The following PEX26 variants were observed in gnomAD, a reference collection of about 807,000 sequenced individuals.
PEX26 encodes the protein peroxisome assembly protein 26.
A neutral mutation model predicts 31.4 loss-of-function variants in PEX26; 18 were observed. The ratio of observed to expected loss-of-function variants is 0.57; its 90% confidence interval spans 0.40 to 0.85. The LOEUF is 0.85. Ranked by LOEUF, PEX26 falls within the 40% of genes least tolerant of loss-of-function variation. PEX26 has a pLI of 0.00. For missense variants in PEX26, 377 were observed against 383.9 expected (o/e 0.98, Z 0.15); for synonymous variants, 176 against 166.9 (o/e 1.05, Z -0.42).
At chr22:18,087,546 AT>A (rs1277746928) in intron 4 of PEX26, among the ~76,000 whole-genome samples, 1 of 152,216 alleles carries the variant, frequency 6.6e-6, no homozygotes, top group Non-Finnish European at 1.5e-5. Flanking sequence ...ACTGATACAG[AT>A]TTAGAAACTC....
chr22:18,078,546 C>G lies in PEX26; in HGVS notation c.170C>G (p.Thr57Ser). ...CTGGACTTCCGGGCGGCGCTGGAGA[C>G]CTGCGAGCGGGCCTGGCAGAGTCTG... ...VHLDFRAALETCERAWQSLAN... is the reference protein window; with the variant it reads ...VHLDFRAALESCERAWQSLAN... Residue 57 changes from threonine to serine, a missense_variant, in exon 1 of 5, where the codon ACC becomes AGC. Coordinates refer to ENST00000399744, the MANE Select transcript of PEX26 (RefSeq NM_001127649.3). The G allele has an allele frequency of 6.3e-7, 1 of 1,588,522 alleles. No homozygotes were observed. The highest frequency in any genetic ancestry group is 8.5e-7 in the Non-Finnish European group (1 of 1,170,298).
intron 4 of PEX26, among the ~76,000 whole-genome samples, chr22:18,086,890 ATTTATT>A (rs987017539): frequency 6.0e-5 from 9 of 151,234 alleles, no homozygotes; most frequent in South Asian, 4.2e-4. Context: ...ATATTTATTT[ATTTATT>A]TTTATTTTTA....
At chr22:18,078,737 C>A (rs1602455671) in intron 1 of PEX26, 131 bp downstream of exon 1, 4 of 860,430 alleles carry the variant, frequency 4.6e-6, no homozygotes, top group Non-Finnish European at 7.6e-6. Flanking sequence ...TGGTTTGTCT[C>A]CGAGAGGGTG....
chr22:18,085,000 C>T lies in PEX26; in HGVS notation c.668-112C>T, dbSNP rs891361017. 2.7e-5 allele frequency: 30 copies of T among 1,094,610 alleles called. No individual in the cohort carries two copies. The African/African-American group carries it at 4.5e-4, about 16-fold the overall frequency. The allele number at this position is 1,094,610 out of a possible 1,614,324, so 67.8% of individuals were successfully genotyped here. On this transcript the variant is annotated intron_variant, in intron 3 of 4. Transcript: ENST00000399744. ...CCTCCCAAAGTGCTGGGATTACAGG[C>T]ATGAGCCACTGCGCCTGGCCTGCTC... is the stretch of plus-strand genomic sequence containing the variant.
Position 18,093,428 on chromosome 22 carries a change from TG to T in PEX26, c.*5355del. ...AATACAAAAAATTAGCCGGGCGTGG[TG>T]GCGGGTGCCTGTAGCCCCAGCTACT... On this transcript the variant is annotated 3_prime_UTR_variant, in exon 5 of 5. Transcript: ENST00000399744. The T allele has an allele frequency of 6.6e-6, 1 of 152,172 alleles. No homozygotes were observed. Among genetic ancestry groups the T allele is most frequent in the South Asian group, 2.1e-4 (1 of 4,812 alleles). The allele number at this position is 152,172 out of a possible 1,614,324, so 9.4% of individuals were successfully genotyped here.
chr22:18,084,858 G>C (rs1205150311), intron 3 of PEX26, among the ~76,000 whole-genome samples: 1 of 151,732 alleles, frequency 6.6e-6, no homozygotes. Context: ...AAGTAGCTGG[G>C]ACTACAGGCG....
In PEX26 at chr22:18,078,356, G is replaced by A; in HGVS notation, c.-21G>A. ...GGTCACTCCGACGTCTGAGGACCTG[G>A]GCCTTGGACCCGGACTCGTTATGAA... On this transcript the variant is annotated 5_prime_UTR_variant, in exon 1 of 5. Transcript: ENST00000399744. The A allele has an allele frequency of 6.4e-7, 1 of 1,562,388 alleles. No individual in the cohort carries two copies. Among genetic ancestry groups the A allele is most frequent in the Non-Finnish European group, 8.8e-7 (1 of 1,142,038 alleles).
intron 2 of PEX26, among the ~76,000 whole-genome samples, chr22:18,080,968 GT>G (rs1926555985): frequency 6.7e-6 from 1 of 148,908 alleles, no homozygotes; most frequent in South Asian, 2.1e-4. Flanking sequence ...GGTAACCACC[GT>G]TCTACCGTCT....
rs1283304129 is a variant in PEX26, at chr22:18,100,305, T to A, written c.*12230T>A. The A allele has an allele frequency of 6.6e-6, 1 of 151,984 alleles. No homozygotes were observed. Among genetic ancestry groups the A allele is most frequent in the African/African-American group, 2.4e-5 (1 of 41,366 alleles). 9.4% of individuals were successfully genotyped at this position (151,984 alleles called of 1,614,324 possible). ...GGCCAGACTGGTCTCAAACTCCTGATCTTGGGTGATCTGCCCTCCTCAGCC... is the reference window on the plus strand; with the variant it reads ...GGCCAGACTGGTCTCAAACTCCTGAACTTGGGTGATCTGCCCTCCTCAGCC... On this transcript the variant is annotated 3_prime_UTR_variant, in exon 5 of 5. Coordinates refer to ENST00000399744, the MANE Select transcript of PEX26 (RefSeq NM_001127649.3).
intron 3 of PEX26, among the ~76,000 whole-genome samples, chr22:18,084,434 G>A (rs929536493): frequency 6.6e-6 from 1 of 151,898 alleles, no homozygotes; most frequent in Non-Finnish European, 1.5e-5. Flanking sequence ...TAGTAGAGAC[G>A]GGGTTTCACC....
Position 18,099,884 on chromosome 22 carries a change from A to C in PEX26, c.*11809A>C, listed in dbSNP as rs467998. ...AAGGATGCATGTCACTGAATTTAAG[A>C]GCCACCCTAATCCAGGATGATCTCA... On this transcript the variant is annotated 3_prime_UTR_variant, in exon 5 of 5. Transcript: ENST00000399744. The C allele has an allele frequency of 0.11, 16,191 of 152,192 alleles. 1,034 individuals are homozygous for C. The highest frequency in any genetic ancestry group is 0.18 in the African/African-American group (7,631 of 41,512). 9.4% of individuals were successfully genotyped at this position (152,192 alleles called of 1,614,324 possible).
intron 2 of PEX26, among the ~76,000 whole-genome samples, chr22:18,082,432 G>A (rs867519180): frequency 6.6e-6 from 1 of 152,100 alleles, no homozygotes; most frequent in African/African-American, 2.4e-5. Flanking sequence ...ATGGATATCC[G>A]ATTTTCCCAG....
chr22:18,097,563 ACAGCCATTAGTTTTAAAT>A lies in PEX26; in HGVS notation c.*9489_*9506del, dbSNP rs1052551111. On this transcript the variant is annotated 3_prime_UTR_variant, in exon 5 of 5. Coordinates refer to ENST00000399744, the MANE Select transcript of PEX26 (RefSeq NM_001127649.3). ...CAGGCATGAGCCACCGTGCCTGGCC[ACAGCCATTAGTTTTAAAT>A]TTACTCTTCCAGAGGTAAATTTAAT... is the stretch of plus-strand genomic sequence containing the variant. The A allele has an allele frequency of 6.6e-6, 1 of 151,520 alleles. No individual in the cohort carries two copies. Among genetic ancestry groups the A allele is most frequent in the African/African-American group, 2.4e-5 (1 of 41,238 alleles). 9.4% of individuals were successfully genotyped at this position (151,520 alleles called of 1,614,324 possible). A position where few individuals can be genotyped will look rare whatever the true frequency, so the allele number is the denominator to read the frequency against.
At position 18,088,991 on chromosome 22, in the gene PEX26, T is replaced by C. The variant is rs899505746; in HGVS notation, c.*916T>C. Reference sequence around the variant, plus strand: ...AACCAAGTGAGCCTTACAGCTCTTATCGCTGGGTAAAGTGATCTTGCCTGG... The same window carrying C: ...AACCAAGTGAGCCTTACAGCTCTTACCGCTGGGTAAAGTGATCTTGCCTGG... On this transcript the variant is annotated 3_prime_UTR_variant, in exon 5 of 5. Coordinates refer to ENST00000399744, the MANE Select transcript of PEX26 (RefSeq NM_001127649.3). This position sits in a 1 kb window ranked among gnomAD's most constrained non-coding sequence, Gnocchi z 4.1. 2 of 152,504 alleles carry C rather than the reference T, an allele frequency of 1.3e-5. No homozygotes were observed. Among genetic ancestry groups the C allele is most frequent in the South Asian group, 2.1e-4 (1 of 4,838 alleles). The allele number at this position is 152,504 out of a possible 1,614,324, so 9.4% of individuals were successfully genotyped here.
rs922031412 is a variant in PEX26, at chr22:18,103,199, T to G, written c.*15124T>G. On this transcript the variant is annotated 3_prime_UTR_variant, in exon 5 of 5. Transcript: ENST00000399744. ...AGGGTGTGTATGTGGGATGAAGAGGTGGCTTGATGGACACAAACATAGATA... is the reference window on the plus strand; with the variant it reads ...AGGGTGTGTATGTGGGATGAAGAGGGGGCTTGATGGACACAAACATAGATA... The G allele has an allele frequency of 6.8e-6, 1 of 147,340 alleles. No individual in the cohort carries two copies. The highest frequency in any genetic ancestry group is 1.5e-5 in the Non-Finnish European group (1 of 67,112). 9.1% of individuals were successfully genotyped at this position (147,340 alleles called of 1,614,324 possible).
chr22:18,087,414 A>G lies in PEX26; in HGVS notation c.815-558A>G, dbSNP rs569147954. On this transcript the variant is annotated intron_variant, in intron 4 of 4. Transcript: ENST00000399744. ...CACATAGCTCAGAGTTGTCCTTCTA[A>G]CCCGTCTGCTGAATGCTGAGCAGGG... 8.0e-4 allele frequency among the ~76,000 whole-genome samples: 121 copies of G among 152,178 alleles called. 1 individual carries two copies. In the South Asian group the frequency reaches 0.024, roughly 31 times the overall value.
Position 18,102,693 on chromosome 22 carries a change from A to G in PEX26, c.*14618A>G. On this transcript the variant is annotated 3_prime_UTR_variant, in exon 5 of 5. Coordinates refer to ENST00000399744, the MANE Select transcript of PEX26 (RefSeq NM_001127649.3). Reference sequence around the variant, plus strand: ...GAAGGGCACCAGCCCCTTCATCTTTATCATGCCTAATATTGTGAAGGCCAT... The same window carrying G: ...GAAGGGCACCAGCCCCTTCATCTTTGTCATGCCTAATATTGTGAAGGCCAT... The G allele has an allele frequency of 6.6e-6, 1 of 152,270 alleles. No homozygotes were observed. Among genetic ancestry groups the G allele is most frequent in the Admixed American group, 6.5e-5 (1 of 15,280 alleles). The allele number at this position is 152,270 out of a possible 1,614,324, so 9.4% of individuals were successfully genotyped here.
Position 18,104,031 on chromosome 22 carries a change from A to G in PEX26, c.*15956A>G, listed in dbSNP as rs1927539867. 1 of 152,034 alleles carries G rather than the reference A, an allele frequency of 6.6e-6. No individual in the cohort carries two copies. The highest frequency in any genetic ancestry group is 6.6e-5 in the Admixed American group (1 of 15,240). 9.4% of individuals were successfully genotyped at this position (152,034 alleles called of 1,614,324 possible). A position where few individuals can be genotyped will look rare whatever the true frequency, so the allele number is the denominator to read the frequency against. On this transcript the variant is annotated 3_prime_UTR_variant, in exon 5 of 5. Transcript: ENST00000399744. ...CCAGAAAGATTGGGTACTTTGCAAT[A>G]CTCATAGCAATATGTGAAGTGATTG...
Position 18,092,883 on chromosome 22 carries a change from A to G in PEX26, c.*4808A>G, listed in dbSNP as rs1243372871. ...AGCCAATTTTAAACAAGAAAAAAAC[A>G]AAAAGTTTACAAAAGAAAAAAAGAT... On this transcript the variant is annotated 3_prime_UTR_variant, in exon 5 of 5. Transcript: ENST00000399744. The G allele has an allele frequency of 6.6e-6, 1 of 151,958 alleles. No homozygotes were observed. The highest frequency in any genetic ancestry group is 2.4e-5 in the African/African-American group (1 of 41,350). The allele number at this position is 151,958 out of a possible 1,614,324, so 9.4% of individuals were successfully genotyped here.
Sources: gnomAD v4.1 joint callset for allele counts (sites outside exome capture counted in the v4.1 genomes callset) on GRCh38, gnomAD v4.1.1 for gene constraint, Gnocchi (gnomAD v3.1) non-coding constraint, MANE v1.5 for transcripts, NCBI Gene and HGNC (gene_info 2026-07-23, HGNC 2026-07-21) for gene names.